Variants in TJP2 observed in about 807,000 individuals in gnomAD.
The protein encoded by TJP2 is Friedreich ataxia region gene X104 (tight junction protein ZO-2).
TJP2 carries 91 observed loss-of-function variants against 133.1 expected under a neutral mutation model. The observed-to-expected ratio is 0.68, with a 90% confidence interval of 0.58 to 0.81. TJP2 has a LOEUF of 0.81. Among genes scored for constraint, TJP2 ranks in the 40% least tolerant of loss-of-function variants. The probability of loss-of-function intolerance (pLI) is 0.00; values close to 1 mark genes in which losing one functional copy is unlikely to be tolerated. For missense variants in TJP2, 1,541 were observed against 1,565.6 expected (o/e 0.98, Z 0.26); for synonymous variants, 592 against 583.4 (o/e 1.01, Z -0.21).
chr9:69,195,683 C>T (rs942134829), intron 1 of TJP2, among the ~76,000 whole-genome samples: 14 of 152,144 alleles, frequency 9.2e-5, no homozygotes, highest in Non-Finnish European at 1.2e-4. Flanking sequence ...GTTTCAGGCC[C>T]CCCCTTTTCC....
chr9:69,162,236 C>T (rs996144669), intron 2 of TJP2, among the ~76,000 whole-genome samples: 2 of 148,872 alleles, frequency 1.3e-5, no homozygotes, highest in African/African-American at 4.9e-5. Flanking sequence ...TATTTATTAA[C>T]TTTACTATTA....
chr9:69,208,702 A>C (rs1482285746), intron 1 of TJP2, among the ~76,000 whole-genome samples: 1 of 152,190 alleles, frequency 6.6e-6, no homozygotes, highest in Non-Finnish European at 1.5e-5. Flanking sequence ...GCTCCTTGGG[A>C]TATTCAACAT....
chr9:69,169,352 C>A (rs144204373), upstream of TJP2, among the ~76,000 whole-genome samples: 382 of 122,682 alleles, frequency 3.1e-3, no homozygotes, highest in African/African-American at 0.012. Flanking sequence ...GTAAACTTTT[C>A]TCTTTTTTTT....
intron 17 of TJP2, among the ~76,000 whole-genome samples, chr9:69,240,357 G>A (rs1157095570): frequency 6.6e-6 from 1 of 152,100 alleles, no homozygotes; most frequent in Non-Finnish European, 1.5e-5. Context: ...TGACCATAAA[G>A]ATCCATGATG....
At chr9:69,236,312 C>T (rs1830188300) in intron 13 of TJP2, 74 bp downstream of exon 13, 1 of 1,491,928 alleles carries the variant, frequency 6.7e-7, no homozygotes, top group Non-Finnish European at 9.2e-7. Context: ...GCCCCCCTTC[C>T]CCCGTAAAAG....
chr9:69,224,533 T>G (rs981951143), intron 5 of TJP2, among the ~76,000 whole-genome samples: 11 of 152,016 alleles, frequency 7.2e-5, no homozygotes, highest in Non-Finnish European at 1.6e-4. Flanking sequence ...AACAATTAGC[T>G]GGGCATGGTG....
rs557433150 is a variant in TJP2 at position 69,250,863 on chromosome 9, C to A, written c.2992-172C>A. On this transcript the variant is annotated intron_variant, in intron 20 of 22. Transcript: ENST00000377245. ...CTAGTATAGGAAGGGAGGTAGGGCT[C>A]AGGAAGCCTGGCCAGTGGCTGTTTG... Among the ~76,000 whole-genome samples, 35 of 152,306 alleles carry A rather than the reference C, an allele frequency of 2.3e-4. 1 individual carries two copies. Among genetic ancestry groups the A allele is most frequent in the Middle Eastern group, 3.4e-3 (1 of 294 alleles).
In TJP2 at chr9:69,234,625, G is replaced by C. The variant is rs78326540; in HGVS notation, c.1780+78G>C. On this transcript the variant is annotated intron_variant, in intron 12 of 22. Coordinates refer to ENST00000377245, the MANE Select transcript of TJP2 (RefSeq NM_004817.4). Reference sequence around the variant, plus strand: ...GGATGAGAGAGGTGTCTTGGTACCAGAATAGGCAAATCTGGGTATTAAAAA... The same window carrying C: ...GGATGAGAGAGGTGTCTTGGTACCACAATAGGCAAATCTGGGTATTAAAAA... The C allele has an allele frequency of 0.034, 36,738 of 1,093,340 alleles. 969 individuals carry two copies. The highest frequency in any genetic ancestry group is 0.061 in the South Asian group (4,549 of 75,050). 67.7% of individuals were successfully genotyped at this position (1,093,340 alleles called of 1,614,324 possible). A position where few individuals can be genotyped will look rare whatever the true frequency, so the allele number is the denominator to read the frequency against.
chr9:69,209,292 C>G (rs953579009), intron 1 of TJP2, among the ~76,000 whole-genome samples: 7 of 152,092 alleles, frequency 4.6e-5, no homozygotes, highest in African/African-American at 1.7e-4. Context: ...GCCACCACGC[C>G]CGGCTAATTT....
intron 5 of TJP2, among the ~76,000 whole-genome samples, chr9:69,221,966 G>A (rs192822648): frequency 1.5e-4 from 22 of 150,684 alleles, no homozygotes; most frequent in African/African-American, 5.4e-4. Flanking sequence ...CCGCCTCCCA[G>A]GTTCAAGCAG....
At chr9:69,202,249 G>A (rs914539036) in intron 1 of TJP2, among the ~76,000 whole-genome samples, 5 of 152,100 alleles carry the variant, frequency 3.3e-5, no homozygotes, top group Non-Finnish European at 7.4e-5. Context: ...AAGCAAGGGG[G>A]TTTAGCTCAG....
chr9:69,242,927 G>A (rs963686062), intron 17 of TJP2, among the ~76,000 whole-genome samples: 1 of 152,130 alleles, frequency 6.6e-6, no homozygotes, highest in African/African-American at 2.4e-5. Flanking sequence ...GCAGTGGCAC[G>A]ATCTCGGTTC....
chr9:69,210,299 C>CCCCCA (rs377382335), intron 1 of TJP2, among the ~76,000 whole-genome samples: 4 of 28,670 alleles, frequency 1.4e-4, no homozygotes, highest in Non-Finnish European at 2.5e-4. Flanking sequence ...CCCCCCCCCC[C>CCCCCA]AAAAAAAAAA....
At chr9:69,253,011 C>A in intron 22 of TJP2, 111 bp downstream of exon 22, 3 of 961,896 alleles carry the variant, frequency 3.1e-6, no homozygotes, top group Non-Finnish European at 4.9e-6. Flanking sequence ...GATTTTTTCC[C>A]CACAGATTGA....
chr9:69,200,759 C>A (rs1443193369), intron 1 of TJP2, among the ~76,000 whole-genome samples: 1 of 152,068 alleles, frequency 6.6e-6, no homozygotes, highest in Non-Finnish European at 1.5e-5. Flanking sequence ...CCCATGTCAC[C>A]TTTTCTCTTT....
Position 69,220,957 on chromosome 9 carries a change from G to A in TJP2, c.413G>A (p.Arg138Gln), listed in dbSNP as rs764394462. The A allele has an allele frequency of 6.9e-5, 111 of 1,612,668 alleles. No individual in the cohort carries two copies. Among genetic ancestry groups the A allele is most frequent in the Non-Finnish European group, 9.4e-5 (111 of 1,179,954 alleles). The change falls in exon 5 of 23, where the codon CGG (arginine) becomes CAG (glutamine). Residue 138 changes from arginine to glutamine, a missense_variant. Physicochemically the swap from Arg to Gln is conservative, Grantham distance 43. Coordinates refer to ENST00000377245, the MANE Select transcript of TJP2 (RefSeq NM_004817.4). ...QASPPLDQDDRAFEVMDEFDG... is the reference protein window; with the variant it reads ...QASPPLDQDDQAFEVMDEFDG... ...AGCCCTCCCCTGGATCAGGATGACC[G>A]GGCTTTTGAGGTGATGGACGAGTTT...
At chr9:69,220,635 G>A (rs1333483560) in intron 4 of TJP2, among the ~76,000 whole-genome samples, 1 of 152,220 alleles carries the variant, frequency 6.6e-6, no homozygotes, top group Admixed American at 6.5e-5. Flanking sequence ...TCAAACTTGA[G>A]TAGAAGCAGA....
intron 1 of TJP2, among the ~76,000 whole-genome samples, chr9:69,144,604 T>C (rs1462688112): frequency 6.6e-6 from 1 of 152,204 alleles, no homozygotes; most frequent in Non-Finnish European, 1.5e-5. Flanking sequence ...AAAGTCAATT[T>C]ATTAGCTTTC....
Position 69,186,011 on chromosome 9 carries a change from G to A in TJP2, c.60+11579G>A, listed in dbSNP as rs183596900. ...CCTCGATCTCCTGACCTCATGATCC[G>A]CCTGCCTTGGCCTCCCAAAGTGCTG... On this transcript the variant is annotated intron_variant, in intron 1 of 22. Coordinates refer to ENST00000377245, the MANE Select transcript of TJP2 (RefSeq NM_004817.4). Among the ~76,000 whole-genome samples the A allele has an allele frequency of 2.9e-3, 435 of 151,712 alleles. 2 individuals are homozygous for A. Among genetic ancestry groups the A allele is most frequent in the African/African-American group, 9.9e-3 (410 of 41,380 alleles).
Sources: allele counts gnomAD v4.1 joint callset (sites outside exome capture counted in the v4.1 genomes callset), GRCh38; gene constraint gnomAD v4.1.1; transcripts MANE v1.5; gene names NCBI Gene and HGNC (gene_info 2026-07-23, HGNC 2026-07-21).